The following TASOR2 variants were observed in gnomAD, a reference collection of about 807,000 sequenced individuals.
The protein encoded by TASOR2 is protein TASOR 2.
TASOR2 carries 84 observed loss-of-function variants against 199.5 expected under a neutral mutation model. The ratio of observed to expected loss-of-function variants is 0.42; its 90% CI spans 0.35 to 0.50. The LOEUF (loss-of-function observed/expected upper bound fraction) is 0.50. Among genes scored for constraint, TASOR2 ranks in the 20% least tolerant of loss-of-function variants. TASOR2 has a pLI of 0.02. For missense variants in TASOR2, 2,796 were observed against 2,835.9 expected (o/e 0.99, Z 0.32); for synonymous variants, 1,103 against 1,046.6 (o/e 1.05, Z -1.04).
At chr10:5,723,635 A>C (rs775474495) in intron 6 of TASOR2, 42 bp from the exon 8 acceptor site, 3 of 1,234,066 alleles carry the variant, frequency 2.4e-6, no homozygotes, top group Non-Finnish European at 3.3e-6. Flanking sequence ...ATTTAGATCC[A>C]CTGTTTATTA....
In TASOR2 at chr10:5,730,329, C is replaced by A. The variant is rs183190494; in HGVS notation, c.488-158C>A. Among the ~76,000 whole-genome samples the A allele has an allele frequency of 1.4e-4, 21 of 152,226 alleles. No individual in the cohort carries two copies. The highest frequency in any genetic ancestry group is 4.8e-4 in the African/African-American group (20 of 41,538). ...TATGGAGATACATTTGTTAAATGTACCTCTAAGTCTTCTATTAATTGCCAT... is the reference window on the plus strand; with the variant it reads ...TATGGAGATACATTTGTTAAATGTAACTCTAAGTCTTCTATTAATTGCCAT... On this transcript the variant is annotated intron_variant, in intron 10 of 20. Coordinates refer to ENST00000328090, the Ensembl canonical transcript of TASOR2. This position sits in a 1 kb window ranked among gnomAD's most constrained non-coding sequence, Gnocchi z 4.1.
chr10:5,733,321 A>G (rs1416518083), intron 11 of TASOR2, among the ~76,000 whole-genome samples: 3 of 152,152 alleles, frequency 2.0e-5, no homozygotes, highest in African/African-American at 7.2e-5. Context: ...CTGCCTGGCC[A>G]ACATGGTGAA....
rs1396688730 is a variant in TASOR2, at chr10:5,754,818, C to T, written c.6607-1795C>T. On this transcript the variant is annotated intron_variant, in intron 15 of 20. Transcript: ENST00000328090. The surrounding 1 kb of genome is among the most constrained non-coding windows in gnomAD (Gnocchi z 4.3). ...CAGCACTTTGGGAGGCCGAGGTGGG[C>T]GGATCACAAGGTCAGGAGATTGAGA... Among the ~76,000 whole-genome samples, 6 of 151,944 alleles carry T rather than the reference C, an allele frequency of 3.9e-5. No homozygotes were observed. Among genetic ancestry groups the T allele is most frequent in the Admixed American group, 6.6e-5 (1 of 15,262 alleles).
chr10:5,754,982 C>A lies in TASOR2; in HGVS notation c.6607-1631C>A, dbSNP rs557730613. Among the ~76,000 whole-genome samples, 199 of 141,658 alleles carry A rather than the reference C, an allele frequency of 1.4e-3. 1 individual carries two copies. Among genetic ancestry groups the A allele is most frequent in the Admixed American group, 3.2e-3 (42 of 13,082 alleles). 92.9% of individuals were successfully genotyped at this position (141,658 alleles called of 152,430 possible). ...AATGGCGTGAACCCGGGAGGCAGAG[C>A]TTGCAGTGAGCCGAGATCGCGCCAC... On this transcript the variant is annotated intron_variant, in intron 15 of 20. Transcript: ENST00000328090. The surrounding 1 kb of genome is among the most constrained non-coding windows in gnomAD (Gnocchi z 4.3).
At chr10:5,712,522 G>A in intron 1 of TASOR2, 5 of 1,231,594 alleles carry the variant, frequency 4.1e-6, no homozygotes, top group Non-Finnish European at 5.1e-6. Flanking sequence ...GGTGAAAAAT[G>A]ACATTTTCTT....
At chr10:5,736,844 CTA>C (rs780913289) in intron 12 of TASOR2, among the ~76,000 whole-genome samples, 18 of 151,994 alleles carry the variant, frequency 1.2e-4, no homozygotes, top group East Asian at 1.9e-4. Flanking sequence ...TCATTCTCTC[CTA>C]TCTTTCTATG....
chr10:5,762,526 T>TTTTAAAAAAA lies in TASOR2; in HGVS notation c.7175-6_7175-5insTTTAAAAAAA. 1 of 699,658 alleles carries TTTTAAAAAAA rather than the reference T, an allele frequency of 1.4e-6. No homozygotes were observed. Among genetic ancestry groups the TTTTAAAAAAA allele is most frequent in the South Asian group, 2.8e-5 (1 of 35,810 alleles). 43.3% of individuals were successfully genotyped at this position (699,658 alleles called of 1,614,324 possible). On this transcript the variant is annotated splice_region_variant and splice_polypyrimidine_tract_variant and intron_variant, in intron 19 of 20. Coordinates refer to ENST00000328090, the Ensembl canonical transcript of TASOR2. ...ACCAAAAGTTGTTTTTTTTTTTTTT[T>TTTTAAAAAAA]AACAGACAAGCCTACTATCCCCAGA...
intron 14 of TASOR2, among the ~76,000 whole-genome samples, chr10:5,745,941 C>G (rs1039674365): frequency 3.3e-5 from 5 of 152,224 alleles, no homozygotes; most frequent in African/African-American, 1.2e-4. Flanking sequence ...GCTTGGAGCT[C>G]TCTTCTGTGT....
At position 5,689,058 on chromosome 10, in the gene TASOR2, C is replaced by T. The variant is rs1166863091; in HGVS notation, c.-288+3883C>T. ...TTATTGAAGATCTATTGATGATGAA[C>T]ACTCAGTTTTTGTTCACCTGAAAAT... On this transcript the variant is annotated intron_variant, in intron 1 of 20. Transcript: ENST00000328090. The surrounding 1 kb of genome is among the most constrained non-coding windows in gnomAD (Gnocchi z 4.1). Among the ~76,000 whole-genome samples the T allele has an allele frequency of 1.3e-5, 2 of 152,158 alleles. No homozygotes were observed. Among genetic ancestry groups the T allele is most frequent in the Admixed American group, 1.3e-4 (2 of 15,270 alleles).
chr10:5,702,735 G>A (rs552430113), intron 1 of TASOR2, among the ~76,000 whole-genome samples: 17 of 142,388 alleles, frequency 1.2e-4, no homozygotes, highest in Middle Eastern at 4.3e-3. Context: ...AAAGAAAACC[G>A]ATTCCGTAGA....
rs144198672 is a variant in TASOR2, at chr10:5,687,454, C to T, written c.-288+2279C>T. Among the ~76,000 whole-genome samples the T allele has an allele frequency of 3.9e-5, 6 of 152,338 alleles. No individual in the cohort carries two copies. Among genetic ancestry groups the T allele is most frequent in the African/African-American group, 1.4e-4 (6 of 41,584 alleles). On this transcript the variant is annotated intron_variant, in intron 1 of 20. Coordinates refer to ENST00000328090, the Ensembl canonical transcript of TASOR2. The surrounding 1 kb of genome is among the most constrained non-coding windows in gnomAD (Gnocchi z 4.8). The stretch of plus-strand genomic sequence containing the variant: ...TTAAACATTGTTTCTGAGATTCACT[C>T]ATGTTAAAGCACGTGCCTATAGTTT...
exon 21 of TASOR2, chr10:5,763,102 T>G: frequency 6.9e-7 from 1 of 1,442,044 alleles, no homozygotes; most frequent in Non-Finnish European, 9.7e-7. Flanking sequence ...GGAAAACTTG[T>G]GAACATGTGA....
At chr10:5,735,458 G>C in exon 12 of TASOR2, 1 of 1,614,120 alleles carries the variant, frequency 6.2e-7, no homozygotes, top group Non-Finnish European at 8.5e-7. Flanking sequence ...CAAGGGCTAA[G>C]CCACCTGTGA....
At chr10:5,747,102 A>C (rs757540978) in exon 15 of TASOR2, 2 of 1,614,176 alleles carry the variant, frequency 1.2e-6, no homozygotes, top group Non-Finnish European at 1.7e-6. Context: ...TTTCGTCAGG[A>C]TGCCACACAT....
At chr10:5,723,002 C>T (rs936321553) in intron 6 of TASOR2, among the ~76,000 whole-genome samples, 1 of 146,988 alleles carries the variant, frequency 6.8e-6, no homozygotes, top group Non-Finnish European at 1.5e-5. Context: ...AGCCAGACTC[C>T]ATCTCACACA....
At chr10:5,746,667 G>A (rs751374530) in exon 15 of TASOR2, 3 of 1,613,974 alleles carry the variant, frequency 1.9e-6, no homozygotes, top group Admixed American at 1.7e-5. Context: ...AGAAGGAGTT[G>A]ATTAAGCAAG....
chr10:5,693,885 A>C (rs1836801147), intron 1 of TASOR2, among the ~76,000 whole-genome samples: 1 of 152,242 alleles, frequency 6.6e-6, no homozygotes, highest in Non-Finnish European at 1.5e-5. Flanking sequence ...TTTGGTGAAC[A>C]GACAATGCCT....
At chr10:5,743,511 C>T (rs1836722864) in intron 14 of TASOR2, among the ~76,000 whole-genome samples, 1 of 152,100 alleles carries the variant, frequency 6.6e-6, no homozygotes, top group Admixed American at 6.5e-5. Flanking sequence ...CCTAAAGTCA[C>T]ATAGAAAATT....
chr10:5,762,919 A>C, intron 20 of TASOR2, 110 bp from the exon 22 acceptor site: 2 of 1,002,888 alleles, frequency 2.0e-6, no homozygotes, highest in Admixed American at 2.4e-5. Flanking sequence ...ACAGAACATA[A>C]TGTAACCTTA....
Sources: allele counts gnomAD v4.1 joint callset (sites outside exome capture counted in the v4.1 genomes callset), GRCh38; gene constraint gnomAD v4.1.1; non-coding constraint Gnocchi (gnomAD v3.1); transcripts MANE v1.5; gene names NCBI Gene and HGNC (gene_info 2026-07-23, HGNC 2026-07-21).